The following KLC1 variants were observed in gnomAD, a reference collection of about 807,000 sequenced individuals.
KLC1 encodes the protein kinesin light chain 1, also known as kinesin 2 60/70kDa.
A neutral mutation model predicts 84.2 loss-of-function variants in KLC1; 30 were observed. That is an observed-to-expected ratio of 0.36 (90% CI 0.27 to 0.48). The LOEUF (loss-of-function observed/expected upper bound fraction) is 0.48. KLC1 is among the 20% of genes least tolerant of loss of function. The pLI, the probability that KLC1 is intolerant of heterozygous loss-of-function variation, is 0.99. For missense variants in KLC1, 499 were observed against 805.4 expected, an observed-to-expected ratio of 0.62 and a Z score of 4.60; for synonymous variants, 289 against 293.3, an observed-to-expected ratio of 0.99 and a Z score of 0.15.
chr14:103,648,619 G>GA (rs1289175909), intron 1 of KLC1, among the ~76,000 whole-genome samples: 48 of 149,378 alleles, frequency 3.2e-4, no homozygotes, highest in African/African-American at 9.5e-4. Flanking sequence ...CCTCTCTACA[G>GA]AAAATAAAAA....
chr14:103,692,503 C>G (rs997657793), intron 15 of KLC1, 78 bp downstream of exon 15: 3 of 1,244,386 alleles, frequency 2.4e-6, no homozygotes, highest in Non-Finnish European at 3.4e-6. Context: ...GCACTCGGCC[C>G]CTGCTCGGCC....
chr14:103,696,190 A>G (rs1023647129), intron 15 of KLC1: 12 of 979,008 alleles, frequency 1.2e-5, no homozygotes, highest in Non-Finnish European at 1.4e-5. Flanking sequence ...CGGACAGCAT[A>G]TCTCTGGGTA....
rs543072564 is a variant in KLC1 at position 103,699,335 on chromosome 14, CAG to C, written c.1849-1319_1849-1318del. 789 of 1,574,832 alleles carry C rather than the reference CAG, an allele frequency of 5.0e-4. 5 individuals carry two copies. The African/African-American group carries it at 5.9e-3, about 12-fold the overall frequency. ...CGCATCCTGGCTAAAAATACGAGCT[CAG>C]GGGTGCAACCCTGCCTTGGTGCTCA... On this transcript the variant is annotated intron_variant, in intron 15 of 16. Transcript: ENST00000334553.
chr14:103,694,626 TCAG>T lies in KLC1; in HGVS notation c.1848+2206_1848+2208del, dbSNP rs954663771. On this transcript the variant is annotated intron_variant, in intron 15 of 16. Coordinates refer to ENST00000334553, the MANE Select transcript of KLC1 (RefSeq NM_001394837.1). The surrounding 1 kb of genome is among the most constrained non-coding windows in gnomAD (Gnocchi z 4.5). Reference sequence around the variant, plus strand: ...GATCAGTGATTCCAAAGGCTGACGCTCAGCAGCGCCACCTCCATGCCAGCCAAC... The same window carrying T: ...GATCAGTGATTCCAAAGGCTGACGCTCAGCGCCACCTCCATGCCAGCCAAC... 6.6e-5 allele frequency: 65 copies of T among 985,290 alleles called. No homozygotes were observed. In the Middle Eastern group the frequency reaches 3.1e-3, roughly 47 times the overall value. The allele number at this position is 985,290 out of a possible 1,614,324, so 61.0% of individuals were successfully genotyped here. A position where few individuals can be genotyped will look rare whatever the true frequency, so the allele number is the denominator to read the frequency against.
intron 12 of KLC1, among the ~76,000 whole-genome samples, chr14:103,678,013 C>T (rs894409334): frequency 1.3e-4 from 19 of 141,306 alleles, no homozygotes; most frequent in Admixed American, 1.2e-3. Context: ...CAGTGGCTCA[C>T]ACTTGAATCC....
At chr14:103,662,303 A>AG (rs1243103051) in intron 4 of KLC1, 109 bp downstream of exon 4, 6 of 887,574 alleles carry the variant, frequency 6.8e-6, no homozygotes, top group Non-Finnish European at 1.1e-5. Flanking sequence ...GCCTGCCTGG[A>AG]GGAAGCACCA....
At chr14:103,646,880 G>A (rs2151414946) in intron 1 of KLC1, among the ~76,000 whole-genome samples, 1 of 152,118 alleles carries the variant, frequency 6.6e-6, no homozygotes, top group Admixed American at 6.6e-5. Context: ...CCAAAGTGCT[G>A]GGGTTACACA....
chr14:103,667,900 G>C (rs921929756), intron 5 of KLC1, among the ~76,000 whole-genome samples: 19 of 152,300 alleles, frequency 1.2e-4, no homozygotes, highest in African/African-American at 4.3e-4. Flanking sequence ...CACATCAGTA[G>C]TGAGTAGCAC....
chr14:103,668,554 T>C (rs1398368773), intron 5 of KLC1, among the ~76,000 whole-genome samples: 1 of 152,142 alleles, frequency 6.6e-6, no homozygotes, highest in Non-Finnish European at 1.5e-5. Context: ...CTATGCTCAC[T>C]GCAAGCTCCG....
At chr14:103,700,878 C>A in intron 16 of KLC1, 151 bp downstream of exon 16, 1 of 685,230 alleles carries the variant, frequency 1.5e-6, no homozygotes, top group Non-Finnish European at 2.4e-6. Flanking sequence ...GGCTCAGGGT[C>A]CCCATCCTCA....
chr14:103,685,820 T>C (rs1432377921), intron 13 of KLC1: 1 of 1,201,900 alleles, frequency 8.3e-7, no homozygotes, highest in Non-Finnish European at 1.1e-6. Context: ...GGGTTCCTGA[T>C]TTCTGTATAC....
chr14:103,670,305 G>A (rs767364691), intron 7 of KLC1, 22 bp downstream of exon 7: 27 of 1,511,674 alleles, frequency 1.8e-5, no homozygotes, highest in Middle Eastern at 1.8e-4. Context: ...GGGGGCAGTC[G>A]TTTTCTTTGA....
chr14:103,642,626 G>A (rs2077575632), intron 1 of KLC1, among the ~76,000 whole-genome samples: 1 of 152,218 alleles, frequency 6.6e-6, no homozygotes, highest in Non-Finnish European at 1.5e-5. Flanking sequence ...GCTTCTTCTA[G>A]TGTTTGAATG....
intron 14 of KLC1, among the ~76,000 whole-genome samples, chr14:103,691,764 T>C (rs891170239): frequency 1.3e-5 from 2 of 151,794 alleles, no homozygotes; most frequent in Non-Finnish European, 1.5e-5. Context: ...AGCTGGTCTT[T>C]TTTTTGTTTC....
At chr14:103,699,038 A>G in intron 15 of KLC1, 1 of 1,572,046 alleles carries the variant, frequency 6.4e-7, no homozygotes, top group Non-Finnish European at 8.6e-7. Context: ...GGAAGCAGGC[A>G]AGCTGGCGCT....
chr14:103,649,856 C>T (rs374553891), intron 1 of KLC1, among the ~76,000 whole-genome samples: 135 of 152,106 alleles, frequency 8.9e-4, no homozygotes, highest in African/African-American at 3.1e-3. Context: ...CCATCGCGCC[C>T]GGCTAATTTT....
intron 1 of KLC1, among the ~76,000 whole-genome samples, chr14:103,630,471 T>G (rs2076588513): frequency 6.6e-6 from 1 of 152,250 alleles, no homozygotes; most frequent in African/African-American, 2.4e-5. Flanking sequence ...ATATACTATT[T>G]CAGGTGTTCT....
Position 103,700,698 on chromosome 14 carries a change from A to T in KLC1, c.1892A>T (p.Gln631Leu), listed in dbSNP as rs187880905. The T allele has an allele frequency of 1.3e-4, 207 of 1,605,676 alleles. No homozygotes were observed. Among genetic ancestry groups the T allele is most frequent in the Middle Eastern group, 6.8e-4 (4 of 5,910 alleles). ...TCTTTTTGTGGAAAACGACAGCAGC[A>T]GCAGTGGCCTGGAAGACGCCACCGC... ...RASFCGKRQQ[Q>L]QWPGRRHR The change falls in exon 16 of 17, where the codon CAG (glutamine) becomes CTG (leucine). Residue 631 changes from glutamine to leucine, a missense_variant. Coordinates refer to ENST00000334553, the MANE Select transcript of KLC1 (RefSeq NM_001394837.1).
chr14:103,637,384 G>T (rs1056317699), intron 1 of KLC1, among the ~76,000 whole-genome samples: 1 of 151,686 alleles, frequency 6.6e-6, no homozygotes, highest in Non-Finnish European at 1.5e-5. Flanking sequence ...ACAAAAATTC[G>T]CCAGGCGTGG....
Sources: allele counts gnomAD v4.1 joint callset (sites outside exome capture counted in the v4.1 genomes callset), GRCh38; gene constraint gnomAD v4.1.1; non-coding constraint Gnocchi (gnomAD v3.1); transcripts MANE v1.5; gene names NCBI Gene and HGNC (gene_info 2026-07-23, HGNC 2026-07-21).